Variants in AP3B1 observed in about 807,000 individuals in gnomAD.
The protein encoded by AP3B1 is adaptor related protein complex 3 subunit beta 1, also known as AP-3 complex subunit beta-1.
Under a neutral mutation model 132.5 loss-of-function variants are expected in AP3B1, and 61 were observed. The observed-to-expected ratio is 0.46, with a 90% confidence interval of 0.37 to 0.57. AP3B1 has a LOEUF of 0.57. Ranked by LOEUF, AP3B1 falls within the 20% of genes least tolerant of loss-of-function variation. AP3B1 has a pLI of 0.00. For synonymous variants in AP3B1, 388 were observed against 438.3 expected (o/e 0.89, Z 1.43); for missense variants, 1,120 against 1,289.4 (o/e 0.87, Z 2.01).
intron 15 of AP3B1, among the ~76,000 whole-genome samples, chr5:78,139,225 T>A (rs922498159): frequency 6.6e-6 from 1 of 152,176 alleles, no homozygotes; most frequent in Non-Finnish European, 1.5e-5. Context: ...TTGATTTTGG[T>A]ATTACTTTAA....
At chr5:78,087,945 G>A (rs1009089791) in intron 22 of AP3B1, among the ~76,000 whole-genome samples, 11 of 152,128 alleles carry the variant, frequency 7.2e-5, no homozygotes, top group African/African-American at 2.2e-4. Context: ...ACAATCCTAT[G>A]CGGTAGATAG....
intron 7 of AP3B1, among the ~76,000 whole-genome samples, chr5:78,197,501 T>C (rs1160636480): frequency 6.6e-6 from 1 of 152,194 alleles, no homozygotes; most frequent in East Asian, 1.9e-4. Context: ...TAAGTAGTAG[T>C]ACTTTCTACA....
At chr5:78,166,630 A>G (rs1270651952) in intron 11 of AP3B1, among the ~76,000 whole-genome samples, 2 of 152,238 alleles carry the variant, frequency 1.3e-5, no homozygotes, top group African/African-American at 4.8e-5. Context: ...AGAGACAAAC[A>G]GAAGCAAATC....
chr5:78,089,513 C>T lies in AP3B1; in HGVS notation c.2471-14G>A. The T allele has an allele frequency of 1.3e-6, 2 of 1,520,992 alleles. No homozygotes were observed. Among genetic ancestry groups the T allele is most frequent in the Non-Finnish European group, 9.1e-7 (1 of 1,095,302 alleles). 94.2% of individuals were successfully genotyped at this position (1,520,992 alleles called of 1,614,324 possible). On this transcript the variant is annotated splice_polypyrimidine_tract_variant and intron_variant, in intron 21 of 26. Transcript: ENST00000255194. ...ATACTGGGTTAACTGTAAGAAAAGG[C>T]CCAAATTAGTAAATGTGCATGAACG...
chr5:78,129,365 C>T (rs1752598454), intron 15 of AP3B1, 58 bp from the exon 16 acceptor site: 1 of 1,350,440 alleles, frequency 7.4e-7, no homozygotes, highest in African/African-American at 1.4e-5. Flanking sequence ...ATCGATAACT[C>T]TGGATAAACA....
chr5:78,123,415 A>T (rs1752316784), intron 17 of AP3B1, among the ~76,000 whole-genome samples: 1 of 152,202 alleles, frequency 6.6e-6, no homozygotes, highest in South Asian at 2.1e-4. Context: ...CAGGCAATCT[A>T]CAGAATGGGA....
chr5:78,262,537 A>G (rs1343933527), intron 2 of AP3B1, among the ~76,000 whole-genome samples: 1 of 152,130 alleles, frequency 6.6e-6, no homozygotes, highest in Admixed American at 6.5e-5. Context: ...TCATTTGACC[A>G]TTTACGTCAG....
chr5:78,090,870 G>A (rs547526862), intron 21 of AP3B1, among the ~76,000 whole-genome samples: 6 of 149,048 alleles, frequency 4.0e-5, no homozygotes, highest in East Asian at 1.9e-4. Context: ...GGAGTAAAGC[G>A]GTGCAATCCC....
chr5:78,005,775 T>C (rs1403882541), intron 26 of AP3B1, among the ~76,000 whole-genome samples: 1 of 152,236 alleles, frequency 6.6e-6, no homozygotes, highest in Non-Finnish European at 1.5e-5. Flanking sequence ...AAAATTGGTT[T>C]GTTTTGGCCC....
chr5:78,285,242 C>CT (rs1749225599), intron 1 of AP3B1, among the ~76,000 whole-genome samples: 1 of 142,904 alleles, frequency 7.0e-6, no homozygotes, highest in Non-Finnish European at 1.6e-5. Context: ...GAGCAAGACT[C>CT]TGTCTCAAAA....
At chr5:78,064,233 A>G (rs558750319) in intron 22 of AP3B1, among the ~76,000 whole-genome samples, 1 of 151,246 alleles carries the variant, frequency 6.6e-6, no homozygotes, top group South Asian at 2.1e-4. Flanking sequence ...TTAGATATAC[A>G]GTATCAATTT....
At chr5:78,043,632 G>A in intron 22 of AP3B1, 5 of 484,498 alleles carry the variant, frequency 1.0e-5, no homozygotes, top group Non-Finnish European at 2.1e-5. Context: ...CTGCCAATGG[G>A]CTCTCCATGG....
At chr5:78,123,661 C>T (rs1003387396) in intron 17 of AP3B1, among the ~76,000 whole-genome samples, 3 of 152,068 alleles carry the variant, frequency 2.0e-5, no homozygotes, top group Non-Finnish European at 2.9e-5. Flanking sequence ...CCATCTCACA[C>T]CAGTTAGAAT....
rs1752550471 is a variant in AP3B1, at chr5:78,128,311, A to T, written c.1838-151T>A. ...AAGCTCTTCATAGGTCAAAAAACTG[A>T]TTTCAGTCCATAGATTACAATAATC... On this transcript the variant is annotated intron_variant, in intron 16 of 26. Transcript: ENST00000255194. 4.6e-6 allele frequency: 3 copies of T among 653,754 alleles called. No individual in the cohort carries two copies. In the South Asian group the frequency reaches 5.6e-5, roughly 12 times the overall value. The allele number at this position is 653,754 out of a possible 1,614,324, so 40.5% of individuals were successfully genotyped here.
At chr5:78,276,661 A>G (rs1748787953) in intron 1 of AP3B1, among the ~76,000 whole-genome samples, 1 of 152,058 alleles carries the variant, frequency 6.6e-6, no homozygotes, top group African/African-American at 2.4e-5. Context: ...TGAGCCCAGG[A>G]GTTCAAGACC....
chr5:78,107,438 C>CCT (rs1414739083), intron 20 of AP3B1, among the ~76,000 whole-genome samples: 1 of 151,886 alleles, frequency 6.6e-6, no homozygotes, highest in East Asian at 1.9e-4. Context: ...CTCCATGCTC[C>CCT]CTCTCTCTCT....
At chr5:78,142,664 A>G (rs999986356) in intron 14 of AP3B1, among the ~76,000 whole-genome samples, 1 of 152,194 alleles carries the variant, frequency 6.6e-6, no homozygotes, top group Non-Finnish European at 1.5e-5. Context: ...GTCCTTCACT[A>G]GAATCAGAAT....
At chr5:78,270,014 G>T (rs1748485829) in intron 1 of AP3B1, among the ~76,000 whole-genome samples, 1 of 152,094 alleles carries the variant, frequency 6.6e-6, no homozygotes, top group South Asian at 2.1e-4. Context: ...CTGGATTCAA[G>T]TGATTCTCCT....
chr5:78,240,825 CA>C, intron 3 of AP3B1, 36 bp downstream of exon 3: 1 of 1,437,460 alleles, frequency 7.0e-7, no homozygotes, highest in African/African-American at 1.4e-5. Context: ...CCCATGAAAA[CA>C]AAAGGAATCA....
Sources: gnomAD v4.1 joint callset for allele counts (sites outside exome capture counted in the v4.1 genomes callset) on GRCh38, gnomAD v4.1.1 for gene constraint, MANE v1.5 for transcripts, NCBI Gene and HGNC (gene_info 2026-07-23, HGNC 2026-07-21) for gene names.